The following FLNB variants were observed in gnomAD, a reference collection of about 807,000 sequenced individuals.
The protein encoded by FLNB is filamin B, also known as filamin-B.
FLNB carries 111 observed loss-of-function variants against 250.6 expected under a neutral mutation model. That is an observed-to-expected ratio of 0.44 (90% CI 0.38 to 0.52). The LOEUF is 0.52. Among genes scored for constraint, FLNB ranks in the 20% least tolerant of loss-of-function variants. The probability of loss-of-function intolerance (pLI) is 0.00; values close to 1 mark genes in which losing one functional copy is unlikely to be tolerated. For synonymous variants in FLNB, 1,302 were observed against 1,372.1 expected (o/e 0.95, Z 1.13); for missense variants, 2,869 against 3,447.8 (o/e 0.83, Z 4.20).
rs200345323 is a variant in FLNB at position 58,121,309 on chromosome 3, G to A, written c.2932G>A (p.Asp978Asn). 3 of 1,614,158 alleles carry A rather than the reference G, an allele frequency of 1.9e-6. No homozygotes were observed. The East Asian group carries it at 6.7e-5, about 36-fold the overall frequency. ...GGGGGCAGGAGGCCAGGGGAAGCTG[G>A]ACGTGACAATCCTCAGCCCCTCTCG... ...TRGAGGQGKLDVTILSPSRKV... is the reference protein window; with the variant it reads ...TRGAGGQGKLNVTILSPSRKV... Residue 978 changes from aspartate (D) to asparagine (N), a missense_variant, in exon 20 of 46, where the codon GAC becomes AAC. Transcript: ENST00000295956.
chr3:58,154,593 T>G, intron 39 of FLNB, 198 bp from the exon 40 acceptor site: 2 of 555,106 alleles, frequency 3.6e-6, no homozygotes, highest in East Asian at 6.4e-5. Flanking sequence ...AGATGTCCTG[T>G]GAATTTAGTT....
chr3:58,135,957 A>G, intron 27 of FLNB, 22 bp from the exon 28 acceptor site: 2 of 1,612,564 alleles, frequency 1.2e-6, no homozygotes, highest in African/African-American at 1.3e-5. Flanking sequence ...CATCCTAAAT[A>G]GCATTTCTCT....
intron 24 of FLNB, among the ~76,000 whole-genome samples, chr3:58,128,832 C>T (rs1386530831): frequency 1.3e-5 from 2 of 152,150 alleles, no homozygotes; most frequent in Admixed American, 1.3e-4. Flanking sequence ...TTGAGCATAA[C>T]AACAGAAAGA....
At position 58,154,721 on chromosome 3, in the gene FLNB, G is replaced by C. The variant is rs1480995971; in HGVS notation, c.6635-70G>C. 12 of 1,564,138 alleles carry C rather than the reference G, an allele frequency of 7.7e-6. No individual in the cohort carries two copies. The Admixed American group carries it at 2.0e-4, about 26-fold the overall frequency. On this transcript the variant is annotated intron_variant, in intron 39 of 45. Coordinates refer to ENST00000295956, the MANE Select transcript of FLNB (RefSeq NM_001457.4). ...AGACGAAACCTAGCACTGCAGGTTT[G>C]AACAAGGATGGAAGAGGGACAGGGG...
At position 58,169,601 on chromosome 3, in the gene FLNB, G is replaced by A; in HGVS notation, c.7429G>A (p.Val2477Ile). ...CTCCTGTATCTTAGGCCAGCGTCTA[G>A]TTAGCCCTGGCTCAGCCAACGAGAC... ...FKAKVTGQRL[V>I]SPGSANETSS... The change falls in exon 45 of 46, where the codon GTT (valine) becomes ATT (isoleucine). Residue 2477 changes from valine (V) to isoleucine (I), a missense_variant. Physicochemically the swap from Val to Ile is conservative, Grantham distance 29. This residue lies in a region of FLNB where 1,084 missense variants were observed against 1,315.5 expected (regional missense o/e 0.82). Coordinates refer to ENST00000295956, the MANE Select transcript of FLNB (RefSeq NM_001457.4). The surrounding 1 kb of genome is among the most constrained non-coding windows in gnomAD (Gnocchi z 4.8). The A allele has an allele frequency of 6.2e-7, 1 of 1,613,924 alleles. No homozygotes were observed. Among genetic ancestry groups the A allele is most frequent in the Non-Finnish European group, 8.5e-7 (1 of 1,179,802 alleles).
At chr3:58,110,263 GT>G in intron 16 of FLNB, 93 bp downstream of exon 16, 1 of 1,317,576 alleles carries the variant, frequency 7.6e-7, no homozygotes, top group Non-Finnish European at 1.1e-6. Flanking sequence ...TTGGTGTTTT[GT>G]TAGTATTATT....
At chr3:58,099,861 C>T (rs748103625) in intron 8 of FLNB, among the ~76,000 whole-genome samples, 2 of 152,142 alleles carry the variant, frequency 1.3e-5, no homozygotes, top group African/African-American at 4.8e-5. Flanking sequence ...CCTGTCCAGC[C>T]GGAACCCAAA....
chr3:58,110,317 C>A, intron 16 of FLNB, 147 bp downstream of exon 16: 1 of 865,872 alleles, frequency 1.2e-6, no homozygotes, highest in Non-Finnish European at 1.9e-6. Flanking sequence ...AGCTAGAGTG[C>A]AGTGGTGTGA....
At chr3:58,108,649 C>T (rs1448056583) in intron 13 of FLNB, 78 bp downstream of exon 13, 4 of 860,504 alleles carry the variant, frequency 4.6e-6, no homozygotes, top group Non-Finnish European at 7.9e-6. Flanking sequence ...TTGCTGAGTC[C>T]ATCTGATCTT....
intron 8 of FLNB, among the ~76,000 whole-genome samples, chr3:58,101,086 G>A (rs987837150): frequency 1.3e-5 from 2 of 152,094 alleles, no homozygotes; most frequent in Non-Finnish European, 1.5e-5. Context: ...TTGCCATAAA[G>A]TGCCACCGTA....
intron 1 of FLNB, among the ~76,000 whole-genome samples, chr3:58,056,101 ATTTATTTT>A (rs1553687178): frequency 5.4e-4 from 71 of 131,182 alleles, no homozygotes; most frequent in Middle Eastern, 3.6e-3. Context: ...TTATTTATTT[ATTTATTTT>A]TTTTTTTTTT....
rs770990634 is a variant in FLNB at position 58,130,871 on chromosome 3, C to T, written c.4353C>T (p.Gly1451=). ...TCACGGTGGACAGCAGCAAGGCTGG[C>T]CTGGCTCCGCTGGAAGTGAGGGTTC... ...QSFTVDSSKA[G]LAPLEVRVLG... is the part of the protein sequence containing the mutation. The change falls in exon 25 of 46, where the codon GGC becomes GGT. Residue 1451 remains glycine (G), a synonymous_variant. Transcript: ENST00000295956. 3.1e-6 allele frequency: 5 copies of T among 1,612,668 alleles called. No homozygotes were observed. The highest frequency in any genetic ancestry group is 2.2e-5 in the East Asian group (1 of 44,878).
intron 1 of FLNB, among the ~76,000 whole-genome samples, chr3:58,062,743 C>T (rs1401544649): frequency 6.6e-6 from 1 of 152,146 alleles, no homozygotes; most frequent in African/African-American, 2.4e-5. Context: ...ATGCTGTGTC[C>T]CATTAGGGAC....
In FLNB at chr3:58,037,084, T is replaced by G. The variant is rs1206207024; in HGVS notation, c.292+28228T>G. On this transcript the variant is annotated intron_variant, in intron 1 of 45. Coordinates refer to ENST00000295956, the MANE Select transcript of FLNB (RefSeq NM_001457.4). ...TTTTTTTTTTTTTTTTTTTTTTTTTTGAGACAGTCTCGCTCTATCACCCTG... is the reference window on the plus strand; with the variant it reads ...TTTTTTTTTTTTTTTTTTTTTTTTTGGAGACAGTCTCGCTCTATCACCCTG... 4.9e-5 allele frequency among the ~76,000 whole-genome samples: 7 copies of G among 142,624 alleles called. No homozygotes were observed. In the East Asian group the frequency reaches 5.9e-4, roughly 12 times the overall value. 93.6% of individuals were successfully genotyped at this position (142,624 alleles called of 152,430 possible).
chr3:58,024,174 CT>C lies in FLNB; in HGVS notation c.292+15320del, dbSNP rs533914823. 1.2e-4 allele frequency among the ~76,000 whole-genome samples: 18 copies of C among 152,312 alleles called. No individual in the cohort carries two copies. In the East Asian group the frequency reaches 3.3e-3, roughly 28 times the overall value. On this transcript the variant is annotated intron_variant, in intron 1 of 45. Coordinates refer to ENST00000295956, the MANE Select transcript of FLNB (RefSeq NM_001457.4). The stretch of plus-strand genomic sequence containing the variant: ...GGCAGAGGAGATGGAATGGAAACCA[CT>C]TCTGGATACAGATCCAGCCACTTCC...
At chr3:58,040,793 C>A (rs2097145047) in intron 1 of FLNB, among the ~76,000 whole-genome samples, 1 of 152,182 alleles carries the variant, frequency 6.6e-6, no homozygotes, top group African/African-American at 2.4e-5. Flanking sequence ...CCGTCCCCAG[C>A]CAACATGGTT....
chr3:58,045,425 A>G (rs953044519), intron 1 of FLNB, among the ~76,000 whole-genome samples: 26 of 152,150 alleles, frequency 1.7e-4, no homozygotes, highest in African/African-American at 6.0e-4. Context: ...ATGCGCCCCA[A>G]CACAAATTCG....
intron 24 of FLNB, among the ~76,000 whole-genome samples, chr3:58,128,098 G>A (rs1328345188): frequency 6.6e-6 from 1 of 152,200 alleles, no homozygotes; most frequent in Non-Finnish European, 1.5e-5. Context: ...GCGGGGTCTT[G>A]TTCTTCTTTC....
At chr3:58,046,676 C>T (rs756370713) in intron 1 of FLNB, among the ~76,000 whole-genome samples, 19 of 152,120 alleles carry the variant, frequency 1.2e-4, no homozygotes, top group Non-Finnish European at 2.2e-4. Context: ...TCTCAAACTC[C>T]GCCTGCCTTG....
Sources: gnomAD v4.1 joint callset for allele counts (sites outside exome capture counted in the v4.1 genomes callset) on GRCh38, gnomAD v4.1.1 for gene constraint, gnomAD v4.1.1 regional missense constraint, Gnocchi (gnomAD v3.1) non-coding constraint, MANE v1.5 for transcripts, NCBI Gene and HGNC (gene_info 2026-07-23, HGNC 2026-07-21) for gene names.